The following GPM6A variants were observed in gnomAD, a reference collection of about 807,000 sequenced individuals.
GPM6A encodes glycoprotein M6A.
A neutral mutation model predicts 32.1 loss-of-function variants in GPM6A; 7 were observed. The ratio of observed to expected loss-of-function variants is 0.22; its 90% CI spans 0.12 to 0.41. The LOEUF is 0.41. GPM6A is among the 10% of genes least tolerant of loss of function. GPM6A has a pLI of 1.00. For synonymous variants in GPM6A, 130 were observed against 123.4 expected (o/e 1.05, Z -0.35); for missense variants, 235 against 347.2 (o/e 0.68, Z 2.57).
At chr4:175,916,266 A>G (rs1374665270) in intron 1 of GPM6A, among the ~76,000 whole-genome samples, 1 of 152,154 alleles carries the variant, frequency 6.6e-6, no homozygotes, top group African/African-American at 2.4e-5. Context: ...TAAGAATACC[A>G]TCCATGCTAT....
intron 1 of GPM6A, among the ~76,000 whole-genome samples, chr4:175,898,951 A>C (rs1579608750): frequency 6.6e-6 from 1 of 152,180 alleles, no homozygotes; most frequent in East Asian, 1.9e-4. Flanking sequence ...ACTAGAGTCT[A>C]AATAATGAAT....
At chr4:175,768,079 T>A (rs1001826123) in intron 1 of GPM6A, among the ~76,000 whole-genome samples, 4 of 152,314 alleles carry the variant, frequency 2.6e-5, no homozygotes, top group African/African-American at 9.6e-5. Context: ...GGAACTTCTA[T>A]TAAGAACAAT....
At chr4:175,873,012 G>C (rs1224101749) in intron 1 of GPM6A, among the ~76,000 whole-genome samples, 2 of 151,942 alleles carry the variant, frequency 1.3e-5, no homozygotes, top group East Asian at 3.8e-4. Context: ...AGGTATTTGG[G>C]GGAAGAAGAA....
At chr4:175,780,456 A>G (rs1733574701) in intron 1 of GPM6A, among the ~76,000 whole-genome samples, 1 of 152,176 alleles carries the variant, frequency 6.6e-6, no homozygotes, top group South Asian at 2.1e-4. Context: ...TGTTCATCCC[A>G]AGTGCTTGGC....
chr4:175,787,538 A>G, intron 1 of GPM6A: 1 of 1,427,614 alleles, frequency 7.0e-7, no homozygotes, highest in Non-Finnish European at 9.1e-7. Flanking sequence ...CATCAGTATC[A>G]ACATCACCAA....
chr4:175,968,101 C>T (rs572563797), intron 1 of GPM6A, among the ~76,000 whole-genome samples: 4 of 151,630 alleles, frequency 2.6e-5, no homozygotes, highest in East Asian at 1.9e-4. Flanking sequence ...GAATCGAGAG[C>T]GTAGTAATAG....
At chr4:175,680,400 C>A (rs1338847783) in intron 2 of GPM6A, among the ~76,000 whole-genome samples, 2 of 152,012 alleles carry the variant, frequency 1.3e-5, no homozygotes, top group African/African-American at 4.8e-5. Flanking sequence ...ACTTATTCAC[C>A]TCATTACAAA....
upstream of GPM6A, among the ~76,000 whole-genome samples, chr4:175,815,138 G>A (rs1358792156): frequency 2.0e-5 from 3 of 152,064 alleles, no homozygotes; most frequent in Non-Finnish European, 4.4e-5. Flanking sequence ...AGCCTCCCGA[G>A]TAGCTGGGAT....
At chr4:175,654,544 T>G (rs997417836) in intron 3 of GPM6A, among the ~76,000 whole-genome samples, 1 of 152,176 alleles carries the variant, frequency 6.6e-6, no homozygotes, top group Non-Finnish European at 1.5e-5. Context: ...TATGTAATTA[T>G]GTAATTCTAT....
intron 1 of GPM6A, among the ~76,000 whole-genome samples, chr4:175,901,217 A>G (rs1737957631): frequency 6.6e-6 from 1 of 152,088 alleles, no homozygotes; most frequent in Admixed American, 6.6e-5. Context: ...TGAAAAAGAC[A>G]TAGTATTTGA....
chr4:175,836,412 T>C (rs1266407358), intron 1 of GPM6A, among the ~76,000 whole-genome samples: 5 of 152,164 alleles, frequency 3.3e-5, no homozygotes, highest in Admixed American at 6.6e-5. Flanking sequence ...ATATCTGCCC[T>C]CTTGGAGATT....
chr4:175,975,017 C>T (rs1740618319), intron 1 of GPM6A, among the ~76,000 whole-genome samples: 1 of 152,134 alleles, frequency 6.6e-6, no homozygotes, highest in Admixed American at 6.6e-5. Flanking sequence ...CTTTCAATTC[C>T]CTCAAGTCCA....
chr4:175,726,972 G>A (rs1051535260), intron 1 of GPM6A, among the ~76,000 whole-genome samples: 2 of 152,088 alleles, frequency 1.3e-5, no homozygotes, highest in East Asian at 3.9e-4. Context: ...CTCCAGCCTG[G>A]GTGACAGAGT....
intron 1 of GPM6A, among the ~76,000 whole-genome samples, chr4:175,858,478 T>G (rs1322002704): frequency 6.6e-6 from 1 of 150,906 alleles, no homozygotes; most frequent in African/African-American, 2.4e-5. Context: ...GTTGCAGTGA[T>G]CTGAGACCAT....
intron 1 of GPM6A, among the ~76,000 whole-genome samples, chr4:175,838,787 G>A (rs1462919793): frequency 6.6e-6 from 1 of 151,000 alleles, no homozygotes; most frequent in Non-Finnish European, 1.5e-5. Context: ...CCAAGTACCT[G>A]GGACTGCAGG....
intron 1 of GPM6A, among the ~76,000 whole-genome samples, chr4:175,874,424 G>A (rs1737015500): frequency 6.6e-6 from 1 of 152,148 alleles, no homozygotes; most frequent in South Asian, 2.1e-4. Flanking sequence ...GCTGCAGATG[G>A]GCAGAGGACT....
intron 1 of GPM6A, among the ~76,000 whole-genome samples, chr4:175,921,127 C>A (rs1015339248): frequency 1.3e-5 from 2 of 152,054 alleles, no homozygotes; most frequent in Admixed American, 6.6e-5. Flanking sequence ...ACACTGAAAT[C>A]TTTATAATGT....
intron 1 of GPM6A, chr4:175,798,833 G>A (rs1007689807): frequency 6.6e-6 from 1 of 151,948 alleles, no homozygotes; most frequent in Non-Finnish European, 1.5e-5. Context: ...CTTAGAATAC[G>A]GTGGATTACT....
intron 1 of GPM6A, among the ~76,000 whole-genome samples, chr4:175,778,627 CAAAAAAAAAA>C (rs34286041): frequency 1.1e-4 from 8 of 75,202 alleles, no homozygotes; most frequent in African/African-American, 4.1e-4. Context: ...CTGTATCCAA[CAAAAAAAAAA>C]AAAAAAAAAA....
Sources: gnomAD v4.1 joint callset for allele counts (sites outside exome capture counted in the v4.1 genomes callset) on GRCh38, gnomAD v4.1.1 for gene constraint, MANE v1.5 for transcripts, NCBI Gene and HGNC (gene_info 2026-07-23, HGNC 2026-07-21) for gene names.